The following FAM227B variants were observed in gnomAD, a reference collection of about 807,000 sequenced individuals.
The protein encoded by FAM227B is family with sequence similarity 227 member B.
A neutral mutation model predicts 73.8 loss-of-function variants in FAM227B; 88 were observed. That is an observed-to-expected ratio of 1.19 (90% CI 1.00 to 1.42). The LOEUF is 1.42. Ranked by LOEUF, FAM227B falls within the 40% of genes most tolerant of loss-of-function variation. The pLI is 0.00. For synonymous variants in FAM227B, 210 were observed against 190.5 expected (o/e 1.10, Z -0.84); for missense variants, 632 against 590.9 (o/e 1.07, Z -0.72).
chr15:49,463,657 T>G (rs943622182), intron 11 of FAM227B, among the ~76,000 whole-genome samples: 2 of 152,156 alleles, frequency 1.3e-5, no homozygotes, highest in Non-Finnish European at 2.9e-5. Flanking sequence ...TGTGTATAAG[T>G]TGCAAGCACA....
At chr15:49,392,717 T>C (rs1445082016) in intron 11 of FAM227B, among the ~76,000 whole-genome samples, 2 of 152,192 alleles carry the variant, frequency 1.3e-5, no homozygotes, top group Admixed American at 1.3e-4. Flanking sequence ...AAATAACTGG[T>C]GGGTAATTAT....
At chr15:49,390,886 T>A (rs1365732941) in intron 11 of FAM227B, among the ~76,000 whole-genome samples, 1 of 152,050 alleles carries the variant, frequency 6.6e-6, no homozygotes, top group Non-Finnish European at 1.5e-5. Context: ...TATCCCTTCC[T>A]TGAAACAGCC....
chr15:49,609,426 G>A (rs1471110861), intron 3 of FAM227B, among the ~76,000 whole-genome samples: 1 of 151,894 alleles, frequency 6.6e-6, no homozygotes, highest in Non-Finnish European at 1.5e-5. Context: ...TATGATAAAA[G>A]ATTAAGTAGA....
At chr15:49,414,515 G>T (rs185832638) in intron 11 of FAM227B, among the ~76,000 whole-genome samples, 1 of 152,134 alleles carries the variant, frequency 6.6e-6, no homozygotes, top group Non-Finnish European at 1.5e-5. Flanking sequence ...ATTGGAAAAA[G>T]AAAAGTAGAG....
chr15:49,365,423 G>A (rs953708923), intron 13 of FAM227B: 59 of 966,782 alleles, frequency 6.1e-5, no homozygotes, highest in Non-Finnish European at 7.8e-5. Context: ...TCTACAGTAC[G>A]CAAGCAACAG....
intron 11 of FAM227B, among the ~76,000 whole-genome samples, chr15:49,409,542 G>T (rs910340868): frequency 6.7e-6 from 1 of 149,204 alleles, no homozygotes; most frequent in African/African-American, 2.5e-5. Flanking sequence ...TATATAAATA[G>T]GAATATATAT....
intron 11 of FAM227B, chr15:49,486,655 G>C (rs766720527): frequency 4.6e-5 from 7 of 152,034 alleles, no homozygotes; most frequent in African/African-American, 1.7e-4. Flanking sequence ...AATGCTCTTT[G>C]TCTATGGAGT....
At position 49,479,597 on chromosome 15, in the gene FAM227B, C is replaced by CTTTTTT. The variant is rs1567359064; in HGVS notation, c.1012+28613_1012+28614insAAAAAA. Among the ~76,000 whole-genome samples, 9 of 102,084 alleles carry CTTTTTT rather than the reference C, an allele frequency of 8.8e-5. 1 individual carries two copies. The highest frequency in any genetic ancestry group is 2.3e-4 in the Admixed American group (2 of 8,874). The allele number at this position is 102,084 out of a possible 152,430, so 67.0% of individuals were successfully genotyped here. A position where few individuals can be genotyped will look rare whatever the true frequency, so the allele number is the denominator to read the frequency against. ...GGGTAGGATTTCATAGTTAATACCT[C>CTTTTTT]TGTTTTTTTTTTTTTTTTTTTTTTT... On this transcript the variant is annotated intron_variant, in intron 11 of 15. Coordinates refer to ENST00000299338, the MANE Select transcript of FAM227B (RefSeq NM_152647.3).
chr15:49,399,685 C>G lies in FAM227B; in HGVS notation c.1013-28286G>C, dbSNP rs1355955547. On this transcript the variant is annotated intron_variant, in intron 11 of 15. Coordinates refer to ENST00000299338, the MANE Select transcript of FAM227B (RefSeq NM_152647.3). ...TGGGCTTCATCCCTGGGATGCAAGG[C>G]TGGTTCAATATACACAAATCAATAA... Among the ~76,000 whole-genome samples, 858 of 146,628 alleles carry G rather than the reference C, an allele frequency of 5.9e-3. 19 individuals are homozygous for G. Among genetic ancestry groups the G allele is most frequent in the African/African-American group, 0.02 (817 of 40,034 alleles).
intron 11 of FAM227B, among the ~76,000 whole-genome samples, chr15:49,439,266 T>C (rs1278489044): frequency 6.8e-6 from 1 of 146,954 alleles, no homozygotes. Context: ...GACTGAGCAA[T>C]GAGAGGGGTA....
At chr15:49,518,022 G>A (rs971852215) in intron 10 of FAM227B, among the ~76,000 whole-genome samples, 9 of 151,968 alleles carry the variant, frequency 5.9e-5, no homozygotes, top group African/African-American at 9.7e-5. Context: ...TGCAATTTAC[G>A]TAAACTTCAT....
At chr15:49,413,968 T>C (rs1267051296) in intron 11 of FAM227B, among the ~76,000 whole-genome samples, 1 of 151,852 alleles carries the variant, frequency 6.6e-6, no homozygotes, top group African/African-American at 2.4e-5. Flanking sequence ...TCCTTCTCCT[T>C]TCTGTGTTAA....
intron 11 of FAM227B, among the ~76,000 whole-genome samples, chr15:49,503,132 C>T (rs1454718341): frequency 6.6e-6 from 1 of 152,172 alleles, no homozygotes; most frequent in Non-Finnish European, 1.5e-5. Flanking sequence ...ACATCTATAA[C>T]TATCTGATCT....
chr15:49,522,698 A>C (rs1185455639), intron 10 of FAM227B, among the ~76,000 whole-genome samples: 2 of 152,166 alleles, frequency 1.3e-5, no homozygotes, highest in Non-Finnish European at 2.9e-5. Flanking sequence ...CAGAGCTTGA[A>C]AACTAGTCTT....
In FAM227B at chr15:49,606,635, C is replaced by T. The variant is rs575237773; in HGVS notation, c.105+4580G>A. ...CTCTTCTCCCTTTATGTGTGAATATCATCATCATTCCCTTGGATTCTGATA... is the reference window on the plus strand; with the variant it reads ...CTCTTCTCCCTTTATGTGTGAATATTATCATCATTCCCTTGGATTCTGATA... On this transcript the variant is annotated intron_variant, in intron 3 of 15. Transcript: ENST00000299338. Among the ~76,000 whole-genome samples, 13 of 152,304 alleles carry T rather than the reference C, an allele frequency of 8.5e-5. No individual in the cohort carries two copies. In the South Asian group the frequency reaches 1.5e-3, roughly 17 times the overall value.
At chr15:49,362,494 C>T (rs928613912) in intron 13 of FAM227B, among the ~76,000 whole-genome samples, 3 of 150,578 alleles carry the variant, frequency 2.0e-5, no homozygotes, top group African/African-American at 7.3e-5. Flanking sequence ...TGAAAACCGA[C>T]TAATACACTT....
chr15:49,436,313 G>A (rs1345520988), intron 11 of FAM227B, among the ~76,000 whole-genome samples: 1 of 151,578 alleles, frequency 6.6e-6, no homozygotes, highest in African/African-American at 2.4e-5. Flanking sequence ...ATATTGCATA[G>A]TAGGTCTGAT....
At chr15:49,587,380 C>A (rs1055407619) in intron 5 of FAM227B, among the ~76,000 whole-genome samples, 4 of 151,970 alleles carry the variant, frequency 2.6e-5, no homozygotes, top group Admixed American at 2.6e-4. Context: ...AACTAATGGG[C>A]ACTAAGTTTA....
chr15:49,584,057 C>T (rs561234150), intron 5 of FAM227B, among the ~76,000 whole-genome samples: 3 of 151,792 alleles, frequency 2.0e-5, no homozygotes, highest in Non-Finnish European at 4.4e-5. Flanking sequence ...GAGATAACAA[C>T]AAAAAAAGAG....
Sources: allele counts gnomAD v4.1 joint callset (sites outside exome capture counted in the v4.1 genomes callset), GRCh38; gene constraint gnomAD v4.1.1; transcripts MANE v1.5; gene names NCBI Gene and HGNC (gene_info 2026-07-23, HGNC 2026-07-21).